HTR7: variants seen among roughly 807,000 people sequenced by gnomAD.
The protein encoded by HTR7 is 5-HT-7.
HTR7 carries 16 observed loss-of-function variants against 34.0 expected under a neutral mutation model. The observed-to-expected ratio is 0.47, with a 90% CI of 0.32 to 0.71. HTR7 has a LOEUF of 0.71. Ranked by LOEUF, HTR7 falls within the 30% of genes least tolerant of loss-of-function variation. HTR7 has a pLI of 0.04. For synonymous variants in HTR7, 265 were observed against 260.2 expected, an observed-to-expected ratio of 1.02 and a Z score of -0.18; for missense variants, 504 against 625.5, an observed-to-expected ratio of 0.81 and a Z score of 2.07.
intron 1 of HTR7, among the ~76,000 whole-genome samples, chr10:90,830,070 T>C (rs1190344147): frequency 6.6e-6 from 1 of 152,212 alleles, no homozygotes; most frequent in African/African-American, 2.4e-5. Context: ...CTCACAGTAA[T>C]AGAGAAAACA....
intron 1 of HTR7, among the ~76,000 whole-genome samples, chr10:90,763,453 C>T (rs1844970681): frequency 6.6e-6 from 1 of 151,994 alleles, no homozygotes; most frequent in Non-Finnish European, 1.5e-5. Flanking sequence ...AAAACTTAGT[C>T]ATTTTTAAAT....
At chr10:90,818,427 T>C (rs1300343429) in intron 1 of HTR7, among the ~76,000 whole-genome samples, 1 of 152,028 alleles carries the variant, frequency 6.6e-6, no homozygotes, top group Admixed American at 6.6e-5. Flanking sequence ...ACACCTGTAA[T>C]GCCAGCTGCT....
At chr10:90,799,881 A>T (rs1055201501) in intron 1 of HTR7, among the ~76,000 whole-genome samples, 8 of 152,178 alleles carry the variant, frequency 5.3e-5, no homozygotes, top group Non-Finnish European at 7.3e-5. Flanking sequence ...AATGATTTTT[A>T]AAAAATAACA....
At chr10:90,829,045 C>T (rs1171350950) in intron 1 of HTR7, among the ~76,000 whole-genome samples, 2 of 152,166 alleles carry the variant, frequency 1.3e-5, no homozygotes, top group Admixed American at 6.5e-5. Context: ...AAAGATCGTT[C>T]ATCATGACCA....
At chr10:90,810,189 A>G (rs927814528) in intron 1 of HTR7, among the ~76,000 whole-genome samples, 2 of 152,102 alleles carry the variant, frequency 1.3e-5, no homozygotes, top group Non-Finnish European at 2.9e-5. Flanking sequence ...TTATTAGGCC[A>G]AGACACTTTA....
chr10:90,772,140 T>C (rs985650010), intron 1 of HTR7, among the ~76,000 whole-genome samples: 1 of 152,120 alleles, frequency 6.6e-6, no homozygotes, highest in Non-Finnish European at 1.5e-5. Context: ...TTTCTAAAAA[T>C]AAAACCCTAG....
At chr10:90,852,712 A>G (rs1760984007) in intron 1 of HTR7, among the ~76,000 whole-genome samples, 1 of 152,230 alleles carries the variant, frequency 6.6e-6, no homozygotes, top group South Asian at 2.1e-4. Context: ...GATGACTCTC[A>G]CAGACATTAT....
rs1844703408 is a variant in HTR7 at position 90,749,618 on chromosome 10, C to T, written c.540-24G>A. ...ACCTAGTGGAGAGATGGAAAGATAA[C>T]AGATGAACACCGTGATCATAACTGG... On this transcript the variant is annotated intron_variant, in intron 1 of 3. Transcript: ENST00000336152. This position sits in a 1 kb window ranked among gnomAD's most constrained non-coding sequence, Gnocchi z 4.2. 1.3e-6 allele frequency: 2 copies of T among 1,580,746 alleles called. No individual in the cohort carries two copies. Among genetic ancestry groups the T allele is most frequent in the Non-Finnish European group, 1.7e-6 (2 of 1,161,906 alleles).
chr10:90,837,004 C>A (rs938247070), intron 1 of HTR7, among the ~76,000 whole-genome samples: 3 of 152,220 alleles, frequency 2.0e-5, no homozygotes, highest in Admixed American at 2.0e-4. Context: ...AAACCTCAGT[C>A]CCAGGTCTTA....
intron 1 of HTR7, among the ~76,000 whole-genome samples, chr10:90,828,995 C>T (rs1447655742): frequency 1.3e-5 from 2 of 151,714 alleles, no homozygotes; most frequent in Non-Finnish European, 2.9e-5. Flanking sequence ...AGCAAAAATC[C>T]TCAAAAAAAT....
intron 1 of HTR7, among the ~76,000 whole-genome samples, chr10:90,821,134 G>GCACACACACACA (rs3035231): frequency 0.04 from 6,072 of 150,248 alleles, 371 homozygotes; most frequent in African/African-American, 0.14. Context: ...ACACACACAT[G>GCACACACACACA]CACACACACA....
chr10:90,815,109 T>C (rs2119984042), intron 1 of HTR7, among the ~76,000 whole-genome samples: 1 of 152,126 alleles, frequency 6.6e-6, no homozygotes, highest in Non-Finnish European at 1.5e-5. Context: ...TTGTTTTTTT[T>C]GAGATGTAGT....
intron 1 of HTR7, among the ~76,000 whole-genome samples, chr10:90,813,656 T>C (rs1050049787): frequency 6.6e-6 from 1 of 152,036 alleles, no homozygotes; most frequent in African/African-American, 2.4e-5. Context: ...GCTGCAGACA[T>C]AGACACACAA....
intron 1 of HTR7, among the ~76,000 whole-genome samples, chr10:90,753,393 G>T (rs1257791835): frequency 6.6e-6 from 1 of 150,988 alleles, no homozygotes; most frequent in Admixed American, 6.6e-5. Context: ...GAGAGAGAGA[G>T]AAAGAAACTA....
chr10:90,850,601 G>C (rs1250652878), intron 1 of HTR7, among the ~76,000 whole-genome samples: 4 of 152,120 alleles, frequency 2.6e-5, no homozygotes, highest in Non-Finnish European at 4.4e-5. Context: ...GAAACGAAGA[G>C]TCAAACTATG....
intron 1 of HTR7, among the ~76,000 whole-genome samples, chr10:90,764,027 T>A (rs1182497124): frequency 9.2e-5 from 14 of 152,330 alleles, no homozygotes; most frequent in African/African-American, 3.4e-4. Context: ...CCTTGAGGAA[T>A]CGCCACACTG....
At chr10:90,769,984 G>A (rs1845081418) in intron 1 of HTR7, among the ~76,000 whole-genome samples, 1 of 152,236 alleles carries the variant, frequency 6.6e-6, no homozygotes, top group Non-Finnish European at 1.5e-5. Context: ...AGCCGCTGCG[G>A]GAGCAGCAGT....
intron 1 of HTR7, among the ~76,000 whole-genome samples, chr10:90,788,336 C>A (rs1845413272): frequency 6.6e-6 from 1 of 152,128 alleles, no homozygotes; most frequent in Non-Finnish European, 1.5e-5. Flanking sequence ...TAAGGAATTA[C>A]CAAAGAACAC....
chr10:90,824,572 T>C (rs772944807), intron 1 of HTR7, among the ~76,000 whole-genome samples: 44 of 152,228 alleles, frequency 2.9e-4, no homozygotes, highest in Non-Finnish European at 5.4e-4. Flanking sequence ...AGCAGGCCCT[T>C]GGTGTTCCCT....
Sources: gnomAD v4.1 joint callset for allele counts (sites outside exome capture counted in the v4.1 genomes callset) on GRCh38, gnomAD v4.1.1 for gene constraint, Gnocchi (gnomAD v3.1) non-coding constraint, MANE v1.5 for transcripts, NCBI Gene and HGNC (gene_info 2026-07-23, HGNC 2026-07-21) for gene names.